DPP6: variants seen among roughly 807,000 people sequenced by gnomAD.
DPP6 encodes the protein A-type potassium channel modulatory protein DPP6.
Under a neutral mutation model 122.6 loss-of-function variants are expected in DPP6, and 69 were observed. That is an observed-to-expected ratio of 0.56 (90% CI 0.46 to 0.69). The LOEUF (loss-of-function observed/expected upper bound fraction) is 0.69, where lower values mean the gene tolerates loss of function less well. Among genes scored for constraint, DPP6 ranks in the 30% least tolerant of loss-of-function variants. The probability of loss-of-function intolerance (pLI) is 0.00; values close to 1 mark genes in which losing one functional copy is unlikely to be tolerated. For synonymous variants in DPP6, 418 were observed against 433.1 expected (o/e 0.97, Z 0.43); for missense variants, 928 against 1,116.9 (o/e 0.83, Z 2.41).
intron 5 of DPP6, among the ~76,000 whole-genome samples, chr7:154,603,656 C>CAAA (rs779501891): frequency 0.35 from 8,703 of 24,926 alleles, 3,068 homozygotes; most frequent in Non-Finnish European, 0.54. Context: ...AACTCTGTCT[C>CAAA]AAAAAAAAAA....
intron 7 of DPP6, among the ~76,000 whole-genome samples, chr7:154,709,385 G>A (rs56931970): frequency 0.04 from 6,095 of 151,836 alleles, 383 homozygotes; most frequent in African/African-American, 0.14. Context: ...TGTTGTTGTC[G>A]TTGCTATTTG....
chr7:154,626,920 G>C (rs138974671), intron 5 of DPP6, among the ~76,000 whole-genome samples: 109 of 130,796 alleles, frequency 8.3e-4, no homozygotes, highest in Middle Eastern at 5.2e-3. Flanking sequence ...CCTAATATTT[G>C]TTTTATGTCA....
chr7:153,908,900 C>T (rs181395174), intron 1 of DPP6, among the ~76,000 whole-genome samples: 11 of 152,116 alleles, frequency 7.2e-5, no homozygotes, highest in Admixed American at 5.2e-4. Context: ...ACTACAGGCA[C>T]GTGCCACCAT....
intron 1 of DPP6, among the ~76,000 whole-genome samples, chr7:154,032,860 TC>T (rs1161571093): frequency 1.3e-4 from 4 of 31,488 alleles, no homozygotes; most frequent in Non-Finnish European, 1.8e-4. Context: ...CCATCCCCCA[TC>T]CCCCCCTACC....
intron 1 of DPP6, among the ~76,000 whole-genome samples, chr7:154,245,635 C>CAA (rs71182888): frequency 9.9e-6 from 1 of 100,638 alleles, no homozygotes; most frequent in East Asian, 3.1e-4. Flanking sequence ...AAGACTGTCT[C>CAA]AAAAAAAAAA....
At chr7:153,954,076 C>G (rs1038936591) in intron 1 of DPP6, among the ~76,000 whole-genome samples, 2 of 152,174 alleles carry the variant, frequency 1.3e-5, no homozygotes, top group African/African-American at 2.4e-5. Context: ...TTACAGATCT[C>G]CATCGCTTCT....
Position 154,887,569 on chromosome 7 carries a change from C to G in DPP6, c.2246-107C>G. 3 of 1,096,924 alleles carry G rather than the reference C, an allele frequency of 2.7e-6. No homozygotes were observed. The South Asian group carries it at 3.7e-5, about 14-fold the overall frequency. The allele number at this position is 1,096,924 out of a possible 1,614,324, so 67.9% of individuals were successfully genotyped here. The stretch of plus-strand genomic sequence containing the variant: ...ACACAAGTGGCAAGTGGGAATGAGC[C>G]TGAGTCCTCACCCCGCACCCGGTCC... On this transcript the variant is annotated intron_variant, in intron 22 of 25. Coordinates refer to ENST00000377770, the MANE Select transcript of DPP6 (RefSeq NM_130797.4).
intron 1 of DPP6, among the ~76,000 whole-genome samples, chr7:154,125,871 C>T (rs1807845489): frequency 6.6e-6 from 1 of 152,198 alleles, no homozygotes; most frequent in South Asian, 2.1e-4. Context: ...TCCATTTCCA[C>T]TTTGACACAA....
At chr7:154,731,607 C>G (rs1349343970) in intron 8 of DPP6, among the ~76,000 whole-genome samples, 2 of 152,216 alleles carry the variant, frequency 1.3e-5, no homozygotes, top group Admixed American at 1.3e-4. Context: ...ATCTGTCTTG[C>G]TGATTCTCTA....
chr7:153,769,736 T>G, the DPP6 span, among the ~76,000 whole-genome samples: 2 of 151,848 alleles, frequency 1.3e-5, no homozygotes, highest in African/African-American at 2.4e-5. Flanking sequence ...AGCTCCTCAC[T>G]TTTTTTTAAA....
chr7:154,164,723 C>T (rs1797156412), intron 1 of DPP6, among the ~76,000 whole-genome samples: 1 of 152,106 alleles, frequency 6.6e-6, no homozygotes, highest in South Asian at 2.1e-4. Flanking sequence ...GTCATTTGGA[C>T]TTTTGTGAAT....
chr7:153,825,218 T>C, the DPP6 span, among the ~76,000 whole-genome samples: 1 of 152,216 alleles, frequency 6.6e-6, no homozygotes, highest in Non-Finnish European at 1.5e-5. Context: ...CTGTGTCTTC[T>C]ATTAATTTAC....
intron 1 of DPP6, among the ~76,000 whole-genome samples, chr7:153,934,884 A>G (rs1357004831): frequency 3.3e-5 from 5 of 152,178 alleles, no homozygotes. Flanking sequence ...AGGTCACATG[A>G]GCCGACACTG....
At chr7:154,812,806 CT>C (rs1333338833) in intron 16 of DPP6, among the ~76,000 whole-genome samples, 5 of 152,146 alleles carry the variant, frequency 3.3e-5, no homozygotes, top group African/African-American at 4.8e-5. Flanking sequence ...GCATACTGAT[CT>C]TCTCCTAATG....
intron 1 of DPP6, among the ~76,000 whole-genome samples, chr7:154,103,022 G>T (rs1052521896): frequency 7.9e-5 from 12 of 152,016 alleles, no homozygotes; most frequent in Admixed American, 2.6e-4. Flanking sequence ...CAGAGGGTTG[G>T]CCTGGTTAGC....
chr7:154,336,275 G>A (rs560595216), intron 1 of DPP6, among the ~76,000 whole-genome samples: 5 of 152,256 alleles, frequency 3.3e-5, no homozygotes, highest in South Asian at 4.1e-4. Context: ...CTGATAGACC[G>A]TGGAACTGCA....
intron 1 of DPP6, among the ~76,000 whole-genome samples, chr7:154,071,735 C>T (rs1033140760): frequency 2.6e-5 from 4 of 152,148 alleles, no homozygotes; most frequent in East Asian, 1.9e-4. Flanking sequence ...TGTTTGTGCC[C>T]GTATTTTATA....
intron 16 of DPP6, among the ~76,000 whole-genome samples, chr7:154,816,173 A>G (rs1328280123): frequency 1.3e-5 from 2 of 152,222 alleles, no homozygotes; most frequent in Non-Finnish European, 2.9e-5. Flanking sequence ...AATCGGAGGA[A>G]TAACAGTATG....
intron 1 of DPP6, among the ~76,000 whole-genome samples, chr7:153,970,974 T>C (rs1795989373): frequency 6.6e-6 from 1 of 152,236 alleles, no homozygotes; most frequent in South Asian, 2.1e-4. Context: ...CTAGATTACT[T>C]ATGTTTCAAT....
Sources: allele counts gnomAD v4.1 joint callset (sites outside exome capture counted in the v4.1 genomes callset), GRCh38; gene constraint gnomAD v4.1.1; transcripts MANE v1.5; gene names NCBI Gene and HGNC (gene_info 2026-07-23, HGNC 2026-07-21).